The following SORCS2 variants were observed in gnomAD, a reference collection of about 807,000 sequenced individuals.
SORCS2 encodes VPS10 domain-containing receptor SorCS2.
Under a neutral mutation model 141.6 loss-of-function variants are expected in SORCS2, and 100 were observed. The ratio of observed to expected loss-of-function variants is 0.71; its 90% CI spans 0.60 to 0.83. The LOEUF is 0.83. SORCS2 is among the 40% of genes least tolerant of loss of function. The pLI is 0.00. For synonymous variants in SORCS2, 789 were observed against 676.9 expected, an observed-to-expected ratio of 1.17 and a Z score of -2.57; for missense variants, 1,646 against 1,560.2, an observed-to-expected ratio of 1.05 and a Z score of -0.93.
intron 1 of SORCS2, among the ~76,000 whole-genome samples, chr4:7,313,000 C>T (rs553689770): frequency 6.6e-6 from 1 of 152,384 alleles, no homozygotes. Flanking sequence ...GCCTCGGGAA[C>T]AGCATGTGTA....
intron 10 of SORCS2, among the ~76,000 whole-genome samples, chr4:7,688,676 G>A (rs886376): frequency 0.75 from 114,573 of 152,102 alleles, 43,388 homozygotes; most frequent in East Asian, 0.91. Context: ...TGAGGATTGC[G>A]CTGCCTCACT....
Position 7,664,453 on chromosome 4 carries a change from C to A in SORCS2, c.1053C>A (p.Asp351Glu), listed in dbSNP as rs35935435. The part of the protein sequence containing the change: ...PIDHGSLTVQ[D>E]DYIFFKATSA... ...ACCACGGGTCTCTGACCGTGCAGGACGATTACATCTTCTTTAAGGTAAGGT... is the reference window on the plus strand; with the variant it reads ...ACCACGGGTCTCTGACCGTGCAGGAAGATTACATCTTCTTTAAGGTAAGGT... The change falls in exon 7 of 27, where the codon GAC becomes GAA. Residue 351 changes from aspartate to glutamate, a missense_variant. Transcript: ENST00000507866. The surrounding 1 kb of genome is among the most constrained non-coding windows in gnomAD (Gnocchi z 4.7). 0.016 allele frequency: 26,200 copies of A among 1,612,746 alleles called. 238 individuals are homozygous for A. The highest frequency in any genetic ancestry group is 0.019 in the Non-Finnish European group (22,062 of 1,179,008).
At chr4:7,701,829 T>A (rs1330590029) in intron 12 of SORCS2, among the ~76,000 whole-genome samples, 1 of 152,174 alleles carries the variant, frequency 6.6e-6, no homozygotes, top group Non-Finnish European at 1.5e-5. Flanking sequence ...CAGATGCTTC[T>A]CTTTCCAGCG....
chr4:7,727,285 G>A (rs1437219249), intron 21 of SORCS2, among the ~76,000 whole-genome samples: 2 of 152,222 alleles, frequency 1.3e-5, no homozygotes, highest in African/African-American at 2.4e-5. Context: ...TCTCATGATG[G>A]CAGCTTAAAG....
chr4:7,433,882 G>C, intron 2 of SORCS2: 2 of 1,613,894 alleles, frequency 1.2e-6, no homozygotes, highest in Non-Finnish European at 8.5e-7. Flanking sequence ...GCACTCCTTC[G>C]TGATAGAGGC....
At chr4:7,359,378 C>A (rs976131501) in intron 1 of SORCS2, among the ~76,000 whole-genome samples, 1 of 152,204 alleles carries the variant, frequency 6.6e-6, no homozygotes, top group Non-Finnish European at 1.5e-5. Context: ...AAGTGATCCT[C>A]CCATCTGGGC....
In SORCS2 at chr4:7,691,244, A is replaced by G. The variant is rs574072832; in HGVS notation, c.1591+1656A>G. ...TGGACACCACATCTTACCCTTCACT[A>G]TATCGCAGCACCGAGCTGGGGCCTG... On this transcript the variant is annotated intron_variant, in intron 11 of 26. Transcript: ENST00000507866. Among the ~76,000 whole-genome samples, 3 of 152,316 alleles carry G rather than the reference A, an allele frequency of 2.0e-5. No homozygotes were observed. The East Asian group carries it at 5.8e-4, about 29-fold the overall frequency.
chr4:7,416,714 G>C (rs1165531741), intron 2 of SORCS2, among the ~76,000 whole-genome samples: 3 of 56,534 alleles, frequency 5.3e-5, no homozygotes, highest in Non-Finnish European at 1.2e-4. Context: ...TCACACTTGT[G>C]CACACACTCA....
In SORCS2 at chr4:7,213,209, A is replaced by G. The variant is rs571197664; in HGVS notation, c.480+20083A>G. Among the ~76,000 whole-genome samples the G allele has an allele frequency of 5.3e-5, 8 of 152,358 alleles. No individual in the cohort carries two copies. The South Asian group carries it at 8.3e-4, about 16-fold the overall frequency. On this transcript the variant is annotated intron_variant, in intron 1 of 26. Transcript: ENST00000507866. ...ACCCCTGGCATGTGGTCCCACCGCC[A>G]TCTCGCCTGTGGGCTGTGGCACCTC...
intron 1 of SORCS2, among the ~76,000 whole-genome samples, chr4:7,328,464 C>T (rs1435477469): frequency 1.3e-5 from 2 of 152,026 alleles, no homozygotes; most frequent in Non-Finnish European, 2.9e-5. Flanking sequence ...TTGGCCAGGG[C>T]TTCAAAGCTG....
chr4:7,342,854 C>T (rs898651260), intron 1 of SORCS2, among the ~76,000 whole-genome samples: 7 of 152,200 alleles, frequency 4.6e-5, no homozygotes, highest in Non-Finnish European at 1.0e-4. Flanking sequence ...TGATCTCTTC[C>T]GTTGTAAATT....
intron 12 of SORCS2, among the ~76,000 whole-genome samples, chr4:7,700,903 C>T (rs1408975675): frequency 6.6e-6 from 1 of 152,228 alleles, no homozygotes; most frequent in African/African-American, 2.4e-5. Flanking sequence ...TGGTGTCTGG[C>T]AGTCACCAGC....
chr4:7,646,968 G>A (rs1396571259), intron 4 of SORCS2, among the ~76,000 whole-genome samples: 1 of 152,170 alleles, frequency 6.6e-6, no homozygotes, highest in Non-Finnish European at 1.5e-5. Context: ...GGGGTTTGGT[G>A]GGAACAGGGC....
At chr4:7,621,589 G>A (rs1178877666) in intron 3 of SORCS2, among the ~76,000 whole-genome samples, 1 of 152,062 alleles carries the variant, frequency 6.6e-6, no homozygotes, top group African/African-American at 2.4e-5. Flanking sequence ...GTGTGTTTAT[G>A]TGTGTGTCTA....
At chr4:7,296,796 C>A (rs1158342665) in intron 1 of SORCS2, among the ~76,000 whole-genome samples, 2 of 152,130 alleles carry the variant, frequency 1.3e-5, no homozygotes, top group Non-Finnish European at 1.5e-5. Context: ...GAGAGGTGAC[C>A]CCCCAACACA....
intron 19 of SORCS2, among the ~76,000 whole-genome samples, chr4:7,724,888 G>T (rs199814656): frequency 3.7e-5 from 2 of 53,524 alleles, no homozygotes; most frequent in African/African-American, 1.8e-4. Flanking sequence ...TGGTGGTGGT[G>T]TTGGTGATGG....
At chr4:7,440,019 A>C (rs4689119) in intron 2 of SORCS2, among the ~76,000 whole-genome samples, 33,470 of 151,928 alleles carry the variant, frequency 0.22, 4,627 homozygotes, top group East Asian at 0.45. Context: ...CTCTGATTTC[A>C]CCCCTTCAGA....
At chr4:7,319,249 A>T (rs949157737) in intron 1 of SORCS2, among the ~76,000 whole-genome samples, 4 of 152,108 alleles carry the variant, frequency 2.6e-5, no homozygotes, top group African/African-American at 9.7e-5. Context: ...TATAAATAAT[A>T]TTATGCCTGG....
At chr4:7,673,144 T>G (rs1722893061) in intron 8 of SORCS2, among the ~76,000 whole-genome samples, 2 of 152,222 alleles carry the variant, frequency 1.3e-5, no homozygotes, top group Non-Finnish European at 2.9e-5. Flanking sequence ...ATAACTCTAA[T>G]CAGCAAATAT....
Sources: gnomAD v4.1 joint callset for allele counts (sites outside exome capture counted in the v4.1 genomes callset) on GRCh38, gnomAD v4.1.1 for gene constraint, Gnocchi (gnomAD v3.1) non-coding constraint, MANE v1.5 for transcripts, NCBI Gene and HGNC (gene_info 2026-07-23, HGNC 2026-07-21) for gene names.